Variants in METAP1D observed in about 807,000 individuals in gnomAD.
METAP1D encodes methionine aminopeptidase 1D, mitochondrial.
A neutral mutation model predicts 40.5 loss-of-function variants in METAP1D; 31 were observed. That is an observed-to-expected ratio of 0.77 (90% CI 0.58 to 1.03). The LOEUF is 1.03. METAP1D is among the 50% of genes least tolerant of loss of function. The pLI is 0.00. For synonymous variants in METAP1D, 151 were observed against 146.4 expected (o/e 1.03, Z -0.22); for missense variants, 411 against 420.7 (o/e 0.98, Z 0.20).
intron 1 of METAP1D, among the ~76,000 whole-genome samples, chr2:172,035,978 T>G (rs764924773): frequency 6.6e-6 from 1 of 152,076 alleles, no homozygotes; most frequent in Admixed American, 6.6e-5. Context: ...TCCATTTATA[T>G]TGTATCTGTA....
intron 1 of METAP1D, among the ~76,000 whole-genome samples, chr2:172,040,690 G>A (rs1026417405): frequency 4.0e-5 from 6 of 151,296 alleles, no homozygotes; most frequent in Non-Finnish European, 8.8e-5. Context: ...ACTGTTACAA[G>A]ACTAGGGGAA....
chr2:172,035,588 C>T (rs1040785298), intron 1 of METAP1D, among the ~76,000 whole-genome samples: 1 of 152,138 alleles, frequency 6.6e-6, no homozygotes, highest in Non-Finnish European at 1.5e-5. Flanking sequence ...TAGTAGTATT[C>T]ACTTTCTTGC....
intron 1 of METAP1D, among the ~76,000 whole-genome samples, chr2:172,042,916 CATATATGCGT>C (rs1311426651): frequency 7.9e-6 from 1 of 127,082 alleles, no homozygotes; most frequent in Non-Finnish European, 1.8e-5. Context: ...CATATGTATA[CATATATGCGT>C]ACATGTGTAT....
At chr2:172,079,043 G>A (rs191102773) in intron 7 of METAP1D, among the ~76,000 whole-genome samples, 172 bp from the exon 8 acceptor site, 50 of 152,222 alleles carry the variant, frequency 3.3e-4, no homozygotes, top group Non-Finnish European at 5.6e-4. Flanking sequence ...CAGTAGCCCC[G>A]TGTTTAACTC....
At chr2:172,055,157 C>T (rs1385076140) in intron 1 of METAP1D, among the ~76,000 whole-genome samples, 1 of 152,106 alleles carries the variant, frequency 6.6e-6, no homozygotes, top group Non-Finnish European at 1.5e-5. Context: ...GTCTTGTTTC[C>T]CCAAATAGCT....
chr2:172,061,449 C>A, intron 1 of METAP1D, 49 bp from the exon 2 acceptor site: 1 of 1,488,288 alleles, frequency 6.7e-7, no homozygotes, highest in Non-Finnish European at 9.1e-7. Context: ...AAGTGGAGGA[C>A]TGTGTTAGGT....
At chr2:172,016,465 A>G (rs192116872) in intron 1 of METAP1D, among the ~76,000 whole-genome samples, 20 of 150,510 alleles carry the variant, frequency 1.3e-4, no homozygotes, top group African/African-American at 4.9e-4. Flanking sequence ...AAAAAAAAAT[A>G]CAAAAATTAG....
At chr2:172,043,436 A>T (rs1287680191) in intron 1 of METAP1D, among the ~76,000 whole-genome samples, 3 of 133,058 alleles carry the variant, frequency 2.3e-5, no homozygotes, top group Non-Finnish European at 1.7e-5. Flanking sequence ...CCACTTGGTC[A>T]CGACTCACTA....
chr2:172,060,455 T>C (rs1690113848), intron 1 of METAP1D, among the ~76,000 whole-genome samples: 1 of 150,808 alleles, frequency 6.6e-6, no homozygotes, highest in Non-Finnish European at 1.5e-5. Context: ...TCTCTACCTC[T>C]AGCCCCAACC....
chr2:172,068,536 C>T (rs567255477), intron 5 of METAP1D, among the ~76,000 whole-genome samples: 37 of 148,596 alleles, frequency 2.5e-4, no homozygotes, highest in African/African-American at 3.5e-4. Context: ...TTTTTTCAGA[C>T]GGAGTTTCCC....
chr2:172,082,016 T>C lies in METAP1D; in HGVS notation c.*1610T>C, dbSNP rs1311640374. On this transcript the variant is annotated 3_prime_UTR_variant, in exon 10 of 10. Coordinates refer to ENST00000315796, the MANE Select transcript of METAP1D (RefSeq NM_199227.3). ...TTTTGGATAGAGGTGTTTCTGATTC[T>C]AGTGAGTCTGAGAACTGGAAAAGAC... is the stretch of plus-strand genomic sequence containing the variant. 1 of 152,256 alleles carries C rather than the reference T, an allele frequency of 6.6e-6. No individual in the cohort carries two copies. The highest frequency in any genetic ancestry group is 2.4e-5 in the African/African-American group (1 of 41,424). 9.4% of individuals were successfully genotyped at this position (152,256 alleles called of 1,614,324 possible).
At chr2:172,010,260 C>A (rs1031333691) in intron 1 of METAP1D, among the ~76,000 whole-genome samples, 1 of 151,282 alleles carries the variant, frequency 6.6e-6, no homozygotes, top group African/African-American at 2.4e-5. Context: ...TCCACCTCAG[C>A]CCCCCAAGTA....
chr2:172,019,308 A>G (rs1284400557), intron 1 of METAP1D, among the ~76,000 whole-genome samples: 1 of 152,202 alleles, frequency 6.6e-6, no homozygotes, highest in Non-Finnish European at 1.5e-5. Context: ...TAGGTTAGAA[A>G]GAAAGAAAAA....
chr2:172,016,300 A>AAATATATATAT (rs1553490378), intron 1 of METAP1D, among the ~76,000 whole-genome samples: 1 of 40,060 alleles, frequency 2.5e-5, no homozygotes, highest in Non-Finnish European at 4.6e-5. Flanking sequence ...AAAAAAAAAA[A>AAATATATATAT]ATATATATAT....
chr2:172,029,568 C>G (rs746394976), intron 1 of METAP1D, among the ~76,000 whole-genome samples: 1 of 152,084 alleles, frequency 6.6e-6, no homozygotes, highest in Admixed American at 6.5e-5. Flanking sequence ...AATATTACAG[C>G]GAAACAGAGA....
At chr2:172,075,126 T>C (rs978589470) in intron 6 of METAP1D, among the ~76,000 whole-genome samples, 2 of 152,166 alleles carry the variant, frequency 1.3e-5, no homozygotes, top group African/African-American at 4.8e-5. Flanking sequence ...ACAACATGAA[T>C]TGTAATCAGA....
intron 6 of METAP1D, among the ~76,000 whole-genome samples, chr2:172,075,669 C>A (rs1690523320): frequency 6.6e-6 from 1 of 152,166 alleles, no homozygotes; most frequent in Non-Finnish European, 1.5e-5. Flanking sequence ...AAAGGGAATG[C>A]TTTTAAACAG....
rs141868846 is a variant in METAP1D, at chr2:172,066,172, T to A, written c.498-92T>A. ...ACTCCAAATTATCACTGCATCCCAT[T>A]GGGTTTGTGACAGTAGTCATTAAGT... On this transcript the variant is annotated intron_variant, in intron 4 of 9. Transcript: ENST00000315796. The A allele has an allele frequency of 6.1e-5, 59 of 974,194 alleles. No individual in the cohort carries two copies. In the East Asian group the frequency reaches 1.5e-3, roughly 25 times the overall value. 60.3% of individuals were successfully genotyped at this position (974,194 alleles called of 1,614,324 possible).
At chr2:172,043,042 C>CATAT (rs1559008697) in intron 1 of METAP1D, among the ~76,000 whole-genome samples, 1 of 114,618 alleles carries the variant, frequency 8.7e-6, no homozygotes, top group Non-Finnish European at 2.0e-5. Flanking sequence ...TATGTGTACA[C>CATAT]GTGTACACAT....
Sources: allele counts gnomAD v4.1 joint callset (sites outside exome capture counted in the v4.1 genomes callset), GRCh38; gene constraint gnomAD v4.1.1; transcripts MANE v1.5; gene names NCBI Gene and HGNC (gene_info 2026-07-23, HGNC 2026-07-21).